CNTN5: variants seen among roughly 807,000 people sequenced by gnomAD.
The protein encoded by CNTN5 is contactin 5, also known as contactin-5.
Under a neutral mutation model 129.1 loss-of-function variants are expected in CNTN5, and 77 were observed. The ratio of observed to expected loss-of-function variants is 0.60; its 90% CI spans 0.50 to 0.72. The LOEUF (loss-of-function observed/expected upper bound fraction) is 0.72, where lower values mean the gene tolerates loss of function less well. Among genes scored for constraint, CNTN5 ranks in the 30% least tolerant of loss-of-function variants. The pLI, the probability that CNTN5 is intolerant of heterozygous loss-of-function variation, is 0.00. For synonymous variants in CNTN5, 509 were observed against 465.6 expected (o/e 1.09, Z -1.20); for missense variants, 1,478 against 1,328.8 (o/e 1.11, Z -1.75).
intron 1 of CNTN5, among the ~76,000 whole-genome samples, chr11:99,163,109 G>A (rs1190074360): frequency 2.6e-5 from 4 of 152,080 alleles, no homozygotes; most frequent in African/African-American, 2.4e-5. Flanking sequence ...TATTGACCTC[G>A]CAGGTTGTTC....
chr11:99,598,042 C>G (rs902400321), intron 3 of CNTN5, among the ~76,000 whole-genome samples: 1 of 152,050 alleles, frequency 6.6e-6, no homozygotes, highest in Non-Finnish European at 1.5e-5. Context: ...CAATTCTGAG[C>G]CATTAGGATG....
chr11:99,512,801 A>G (rs1316389330), intron 2 of CNTN5, among the ~76,000 whole-genome samples: 1 of 152,144 alleles, frequency 6.6e-6, no homozygotes, highest in Non-Finnish European at 1.5e-5. Context: ...CAACCATTAC[A>G]TCATTTCTCT....
At chr11:99,542,614 A>G (rs927027937) in intron 2 of CNTN5, among the ~76,000 whole-genome samples, 9 of 152,204 alleles carry the variant, frequency 5.9e-5, no homozygotes, top group African/African-American at 2.2e-4. Context: ...CCAGTAGCAT[A>G]CCAGTGACAA....
At chr11:99,918,501 G>T (rs1460368082) in intron 7 of CNTN5, among the ~76,000 whole-genome samples, 1 of 152,006 alleles carries the variant, frequency 6.6e-6, no homozygotes, top group Non-Finnish European at 1.5e-5. Flanking sequence ...GTCTTCCCCA[G>T]TCTCACTCTC....
chr11:99,820,109 C>T (rs1317088796), intron 4 of CNTN5, among the ~76,000 whole-genome samples: 2 of 151,048 alleles, frequency 1.3e-5, no homozygotes, highest in African/African-American at 2.4e-5. Flanking sequence ...ACAGACACTA[C>T]TGGGTTATAA....
chr11:99,668,862 G>A (rs1488940556), intron 3 of CNTN5, among the ~76,000 whole-genome samples: 1 of 152,056 alleles, frequency 6.6e-6, no homozygotes, highest in Non-Finnish European at 1.5e-5. Flanking sequence ...TATCTTATGA[G>A]TTGGCATTGT....
intron 2 of CNTN5, among the ~76,000 whole-genome samples, chr11:99,542,429 C>G (rs1948149314): frequency 6.6e-6 from 1 of 152,158 alleles, no homozygotes; most frequent in African/African-American, 2.4e-5. Flanking sequence ...ATCTGTCTTT[C>G]TATGTCTGGC....
intron 2 of CNTN5, among the ~76,000 whole-genome samples, chr11:99,518,104 A>T (rs942679482): frequency 1.3e-5 from 2 of 152,126 alleles, no homozygotes; most frequent in Non-Finnish European, 1.5e-5. Context: ...ATATTACTCA[A>T]TTCTAATTAT....
intron 2 of CNTN5, among the ~76,000 whole-genome samples, chr11:99,379,981 T>A (rs1164381403): frequency 6.6e-6 from 1 of 152,080 alleles, no homozygotes; most frequent in African/African-American, 2.4e-5. Flanking sequence ...ACACATATAA[T>A]GTGTATATAT....
At chr11:100,231,632 CT>C (rs1281055461) in intron 16 of CNTN5, among the ~76,000 whole-genome samples, 2 of 152,066 alleles carry the variant, frequency 1.3e-5, no homozygotes, top group Non-Finnish European at 2.9e-5. Context: ...TTGTGGTCCC[CT>C]AATAGAGAAT....
At chr11:99,213,368 ATATATG>A (rs1859925140) in intron 1 of CNTN5, among the ~76,000 whole-genome samples, 1 of 135,982 alleles carries the variant, frequency 7.4e-6, no homozygotes, top group Non-Finnish European at 1.5e-5. Flanking sequence ...GTATATATGT[ATATATG>A]TATATACATA....
chr11:99,861,114 C>A (rs56980602), intron 6 of CNTN5, among the ~76,000 whole-genome samples: 1 of 151,916 alleles, frequency 6.6e-6, no homozygotes, highest in Non-Finnish European at 1.5e-5. Flanking sequence ...AACCACCAAG[C>A]CTGGCTAATT....
intron 3 of CNTN5, among the ~76,000 whole-genome samples, chr11:99,797,331 G>A (rs191438199): frequency 8.7e-4 from 133 of 152,238 alleles, no homozygotes; most frequent in African/African-American, 2.5e-3. Flanking sequence ...TCTCCAAACT[G>A]TTTTTCACGT....
intron 1 of CNTN5, among the ~76,000 whole-genome samples, chr11:99,310,417 A>G (rs1048766928): frequency 4.0e-5 from 6 of 151,308 alleles, no homozygotes; most frequent in Admixed American, 3.4e-4. Context: ...TAAATTATCA[A>G]TAAAACACTC....
intron 7 of CNTN5, among the ~76,000 whole-genome samples, chr11:99,933,592 C>A (rs566309850): frequency 6.6e-6 from 1 of 152,134 alleles, no homozygotes. Context: ...TGAAGAAATT[C>A]TACAGTATGC....
chr11:99,786,473 G>C (rs979563590), intron 3 of CNTN5, among the ~76,000 whole-genome samples: 5 of 152,006 alleles, frequency 3.3e-5, no homozygotes, highest in Admixed American at 3.3e-4. Context: ...AAGCTACCAT[G>C]TACTTTCTTC....
At chr11:99,224,015 G>T (rs1045248603) in intron 1 of CNTN5, among the ~76,000 whole-genome samples, 2 of 152,176 alleles carry the variant, frequency 1.3e-5, no homozygotes, top group East Asian at 3.9e-4. Flanking sequence ...TAGAGAAAAA[G>T]AAGGAAACTT....
chr11:99,973,571 C>G (rs1937723530), intron 8 of CNTN5, among the ~76,000 whole-genome samples: 1 of 152,038 alleles, frequency 6.6e-6, no homozygotes. Flanking sequence ...TTAAAAATAA[C>G]CTTAAGGCTT....
At chr11:99,227,203 A>C (rs1860734684) in intron 1 of CNTN5, among the ~76,000 whole-genome samples, 1 of 151,986 alleles carries the variant, frequency 6.6e-6, no homozygotes. Flanking sequence ...TACTAAAAAT[A>C]CAAAAAATTA....
Sources: allele counts gnomAD v4.1 joint callset (sites outside exome capture counted in the v4.1 genomes callset), GRCh38; gene constraint gnomAD v4.1.1; transcripts MANE v1.5; gene names NCBI Gene and HGNC (gene_info 2026-07-23, HGNC 2026-07-21).